The following FSD1 variants were observed in gnomAD, a reference collection of about 807,000 sequenced individuals.
FSD1 encodes fibronectin type III and SPRY domain containing 1.
In FSD1, 23 loss-of-function variants were observed where a neutral mutation model predicts 58.2. That is an observed-to-expected ratio of 0.40 (90% CI 0.28 to 0.56). The LOEUF is 0.56. Ranked by LOEUF, FSD1 falls within the 20% of genes least tolerant of loss-of-function variation. The pLI, the probability that FSD1 is intolerant of heterozygous loss-of-function variation, is 0.54. For missense variants in FSD1, 563 were observed against 670.8 expected (o/e 0.84, Z 1.78); for synonymous variants, 265 against 263.4 (o/e 1.01, Z -0.06).
At chr19:4,310,055 C>G (rs1419780486) in intron 4 of FSD1, among the ~76,000 whole-genome samples, 1 of 151,502 alleles carries the variant, frequency 6.6e-6, no homozygotes, top group Non-Finnish European at 1.5e-5. Flanking sequence ...TGGCAAAACC[C>G]CATCTCTCTA....
chr19:4,307,597 G>C (rs933347851), intron 3 of FSD1, among the ~76,000 whole-genome samples: 3 of 152,084 alleles, frequency 2.0e-5, no homozygotes, highest in Non-Finnish European at 4.4e-5. Context: ...TTGAACTCCT[G>C]ACCTCAGGTG....
chr19:4,319,848 A>G (rs546118460), intron 10 of FSD1, among the ~76,000 whole-genome samples: 1 of 152,116 alleles, frequency 6.6e-6, no homozygotes, highest in Non-Finnish European at 1.5e-5. Flanking sequence ...TTCATCTTGT[A>G]TCTGGAGAGG....
rs776188536 is a variant in FSD1, at chr19:4,323,158, G to A, written c.1212G>A (p.Thr404=). 12 of 1,604,680 alleles carry A rather than the reference G, an allele frequency of 7.5e-6. No homozygotes were observed. In the Admixed American group the frequency reaches 1.2e-4, roughly 16 times the overall value. Residue 404 remains threonine, a synonymous_variant, in exon 11 of 13, where the codon ACG becomes ACA. Coordinates refer to ENST00000221856, the MANE Select transcript of FSD1 (RefSeq NM_024333.3). The surrounding 1 kb of genome is among the most constrained non-coding windows in gnomAD (Gnocchi z 7.7). The part of the protein sequence containing the change: ...HVNNWLQVSF[T]AKHANKVKVL... The stretch of plus-strand genomic sequence containing the variant: ...ACAATTGGCTGCAGGTCAGCTTCAC[G>A]GCCAAGCACGCCAACAAGGTCAAGG...
chr19:4,316,734 G>T (rs1371289003), intron 7 of FSD1, among the ~76,000 whole-genome samples: 1 of 151,702 alleles, frequency 6.6e-6, no homozygotes, highest in African/African-American at 2.4e-5. Flanking sequence ...TCAGGGGTAA[G>T]ATGTTTGTTT....
intron 6 of FSD1, 94 bp from the exon 7 acceptor site, chr19:4,311,748 T>C (rs1231329044): frequency 8.8e-7 from 1 of 1,133,884 alleles, no homozygotes; most frequent in Non-Finnish European, 1.3e-6. Flanking sequence ...CCCCCAAAAT[T>C]GTCCAACATG....
rs1270140091 is a variant in FSD1 at position 4,323,077 on chromosome 19, C to T, written c.1131C>T (p.Ser377=). The part of the protein sequence containing the change: ...KAFGVGVAYR[S]LGRFEQLGKT... ...TCGGCGTGGGCGTGGCCTACCGCAG[C>T]CTGGGCCGCTTCGAGCAACTGGGCA... The change falls in exon 11 of 13, where the codon AGC becomes AGT. Residue 377 remains serine, a synonymous_variant. Coordinates refer to ENST00000221856, the MANE Select transcript of FSD1 (RefSeq NM_024333.3). This position sits in a 1 kb window ranked among gnomAD's most constrained non-coding sequence, Gnocchi z 7.7. 6.2e-7 allele frequency: 1 copy of T among 1,611,026 alleles called. No individual in the cohort carries two copies. The highest frequency in any genetic ancestry group is 1.1e-5 in the South Asian group (1 of 91,070).
In FSD1 at chr19:4,322,485, G is replaced by A. The variant is rs150554734; in HGVS notation, c.1040-501G>A. ...GTATCTGGAGGGAATAGCAGGAACC[G>A]AGGAGTATCTGGAGGATATAGCAGG... On this transcript the variant is annotated intron_variant, in intron 10 of 12. Transcript: ENST00000221856. 9.7e-3 allele frequency among the ~76,000 whole-genome samples: 1,454 copies of A among 150,164 alleles called. 13 individuals carry two copies. The highest frequency in any genetic ancestry group is 0.02 in the African/African-American group (830 of 40,718).
At position 4,311,656 on chromosome 19, in the gene FSD1, C is replaced by G. The variant is rs1599535910; in HGVS notation, c.491-186C>G. 3 of 574,874 alleles carry G rather than the reference C, an allele frequency of 5.2e-6. No individual in the cohort carries two copies. The East Asian group carries it at 8.8e-5, about 17-fold the overall frequency. 35.6% of individuals were successfully genotyped at this position (574,874 alleles called of 1,614,324 possible). On this transcript the variant is annotated intron_variant, in intron 6 of 12. Transcript: ENST00000221856. ...CCAAGATCGTGCCACTGCACTCCAGCCTGGGTGACAAGAGCAAGACTCTGT... is the reference window on the plus strand; with the variant it reads ...CCAAGATCGTGCCACTGCACTCCAGGCTGGGTGACAAGAGCAAGACTCTGT...
At chr19:4,317,384 A>G in intron 8 of FSD1, 104 bp downstream of exon 8, 1 of 727,766 alleles carries the variant, frequency 1.4e-6, no homozygotes, top group Non-Finnish European at 2.4e-6. Context: ...CCTGGCTGCC[A>G]GGAAGCTCAA....
intron 6 of FSD1, 49 bp from the exon 7 acceptor site, chr19:4,311,793 C>T (rs1555730730): frequency 6.3e-7 from 1 of 1,585,830 alleles, no homozygotes; most frequent in Non-Finnish European, 8.7e-7. Context: ...CCCCTGCCCC[C>T]TGAACCAGGC....
chr19:4,318,270 T>C (rs947428458), intron 8 of FSD1, 76 bp from the exon 9 acceptor site: 8 of 1,595,644 alleles, frequency 5.0e-6, no homozygotes, highest in Non-Finnish European at 6.9e-6. Flanking sequence ...TCTTGGTCAC[T>C]CTCTGTCTCT....
At chr19:4,316,475 C>T (rs995800258) in intron 7 of FSD1, among the ~76,000 whole-genome samples, 22 of 151,898 alleles carry the variant, frequency 1.4e-4, no homozygotes, top group African/African-American at 5.1e-4. Context: ...CCCACTTCGG[C>T]CTCCCAAAGT....
intron 10 of FSD1, among the ~76,000 whole-genome samples, chr19:4,319,313 G>T (rs1971789672): frequency 6.6e-6 from 1 of 152,096 alleles, no homozygotes; most frequent in African/African-American, 2.4e-5. Flanking sequence ...TAGAGCAACT[G>T]GGTTTGTGGG....
At chr19:4,309,826 G>A (rs968552052) in intron 4 of FSD1, among the ~76,000 whole-genome samples, 5 of 150,686 alleles carry the variant, frequency 3.3e-5, no homozygotes, top group Non-Finnish European at 5.9e-5. Context: ...GGAGAATGGC[G>A]TGAACCCGGG....
At position 4,310,614 on chromosome 19, in the gene FSD1, T is replaced by G; in HGVS notation, c.490+18T>G. On this transcript the variant is annotated intron_variant, in intron 6 of 12. Coordinates refer to ENST00000221856, the MANE Select transcript of FSD1 (RefSeq NM_024333.3). ...CCTGCCTGGTGAGAGGGGCACGCAC[T>G]AGAGGGCCAGGACTTCCGGGGAATG... 6.2e-7 allele frequency: 1 copy of G among 1,608,546 alleles called. No homozygotes were observed. The highest frequency in any genetic ancestry group is 1.1e-5 in the South Asian group (1 of 90,828).
Position 4,311,626 on chromosome 19 carries a change from G to T in FSD1, c.491-216G>T, listed in dbSNP as rs918876669. On this transcript the variant is annotated intron_variant, in intron 6 of 12. Coordinates refer to ENST00000221856, the MANE Select transcript of FSD1 (RefSeq NM_024333.3). ...TTGAACCAGGGAGTCGGAGGTTGCA[G>T]TGAGCCAAGATCGTGCCACTGCACT... 5 of 521,852 alleles carry T rather than the reference G, an allele frequency of 9.6e-6. No individual in the cohort carries two copies. The South Asian group carries it at 1.0e-4, about 11-fold the overall frequency. 32.3% of individuals were successfully genotyped at this position (521,852 alleles called of 1,614,324 possible). A position where few individuals can be genotyped will look rare whatever the true frequency, so the allele number is the denominator to read the frequency against.
rs750988761 is a variant in FSD1, at chr19:4,311,825, C to T, written c.491-17C>T. On this transcript the variant is annotated splice_polypyrimidine_tract_variant and intron_variant, in intron 6 of 12. Transcript: ENST00000221856. ...AGGCACAGAATCCCGACCCCCTCTC[C>T]TTTCCGTCTTGGTCAGTGCCCAGCG... The T allele has an allele frequency of 3.7e-6, 6 of 1,613,366 alleles. No individual in the cohort carries two copies. Among genetic ancestry groups the T allele is most frequent in the Non-Finnish European group, 5.1e-6 (6 of 1,179,514 alleles).
intron 8 of FSD1, among the ~76,000 whole-genome samples, chr19:4,318,067 G>GCAA (rs1451154846): frequency 6.6e-6 from 1 of 151,778 alleles, no homozygotes; most frequent in Non-Finnish European, 1.5e-5. Context: ...AGACTTTTAG[G>GCAA]CAACAACCCT....
rs1007939428 is a variant in FSD1, at chr19:4,310,375, A to C, written c.368+80A>C. The C allele has an allele frequency of 1.1e-5, 18 of 1,608,918 alleles. No individual in the cohort carries two copies. The East Asian group carries it at 2.5e-4, about 22-fold the overall frequency. ...AGGGGCCACCTGGTGAGGGTGTCTCATCTCAGAGCCCTGGACGGGAGCCCT... is the reference window on the plus strand; with the variant it reads ...AGGGGCCACCTGGTGAGGGTGTCTCCTCTCAGAGCCCTGGACGGGAGCCCT... On this transcript the variant is annotated intron_variant, in intron 5 of 12. Transcript: ENST00000221856.
Sources: allele counts gnomAD v4.1 joint callset (sites outside exome capture counted in the v4.1 genomes callset), GRCh38; gene constraint gnomAD v4.1.1; non-coding constraint Gnocchi (gnomAD v3.1); transcripts MANE v1.5; gene names NCBI Gene and HGNC (gene_info 2026-07-23, HGNC 2026-07-21).